Variants in NXPE4 observed in about 807,000 individuals in gnomAD.
NXPE4 encodes neurexophilin and PC-esterase domain family member 4.
A neutral mutation model predicts 33.3 loss-of-function variants in NXPE4; 42 were observed. The observed-to-expected ratio is 1.26, with a 90% confidence interval of 0.98 to 1.63. The LOEUF is 1.63. Among genes scored for constraint, NXPE4 ranks in the 40% most tolerant of loss-of-function variants. NXPE4 has a pLI of 0.00. For missense variants in NXPE4, 709 were observed against 647.6 expected, an observed-to-expected ratio of 1.09 and a Z score of -1.03; for synonymous variants, 253 against 234.9, an observed-to-expected ratio of 1.08 and a Z score of -0.71.
At chr11:114,643,800 A>C in the NXPE4 span, among the ~76,000 whole-genome samples, 1 of 152,114 alleles carries the variant, frequency 6.6e-6, no homozygotes, top group Non-Finnish European at 1.5e-5. Context: ...TTCTGTGAAG[A>C]AAGTCTGTGG....
intron 2 of NXPE4, chr11:114,583,285 C>G (rs1280034270): frequency 7.7e-6 from 5 of 646,002 alleles, no homozygotes; most frequent in Non-Finnish European, 1.4e-5. Context: ...GGAGGAAAGT[C>G]TGTTACTACT....
chr11:114,579,691 A>G (rs530572091), intron 5 of NXPE4, among the ~76,000 whole-genome samples: 5 of 152,234 alleles, frequency 3.3e-5, no homozygotes, highest in Non-Finnish European at 7.3e-5. Flanking sequence ...TTGACAGATG[A>G]GAAAACTGAG....
At chr11:114,628,998 A>G in the NXPE4 span, among the ~76,000 whole-genome samples, 1 of 152,094 alleles carries the variant, frequency 6.6e-6, no homozygotes, top group Non-Finnish European at 1.5e-5. Context: ...TGAATAGACC[A>G]ATAACAGGCT....
chr11:114,580,253 A>G lies in NXPE4; in HGVS notation c.978T>C (p.Asn326=), dbSNP rs1298099308. 2 of 1,613,898 alleles carry G rather than the reference A, an allele frequency of 1.2e-6. No homozygotes were observed. Among genetic ancestry groups the G allele is most frequent in the Non-Finnish European group, 1.7e-6 (2 of 1,179,926 alleles). ...CTGTAGCCAAACTACAGGAGACAGG[A>G]TTCCATGTGTTTCTCCAGACATGCC... is the stretch of plus-strand genomic sequence containing the variant. ...PSGHVWRNTW[N]PVSCSLATVK... Residue 326 remains asparagine (N), a synonymous_variant, in exon 5 of 6, where the codon AAT becomes AAC. Transcript: ENST00000375478.
chr11:114,637,995 A>G, the NXPE4 span, among the ~76,000 whole-genome samples: 1 of 151,410 alleles, frequency 6.6e-6, no homozygotes, highest in Non-Finnish European at 1.5e-5. Flanking sequence ...TATTTCCTGA[A>G]TCTGAACGTT....
intron 2 of NXPE4, among the ~76,000 whole-genome samples, chr11:114,589,740 T>C (rs1019462090): frequency 1.5e-4 from 23 of 152,060 alleles, no homozygotes; most frequent in Non-Finnish European, 3.1e-4. Context: ...GGAGACAATA[T>C]CCCCTAAAGC....
At chr11:114,591,740 C>A (rs777885591) in intron 2 of NXPE4, among the ~76,000 whole-genome samples, 3 of 152,092 alleles carry the variant, frequency 2.0e-5, no homozygotes, top group Non-Finnish European at 4.4e-5. Flanking sequence ...ATTCCATGCC[C>A]CCTCATGGAA....
At chr11:114,580,679 C>G (rs1269938831) in intron 4 of NXPE4, among the ~76,000 whole-genome samples, 2 of 152,142 alleles carry the variant, frequency 1.3e-5, no homozygotes, top group African/African-American at 4.8e-5. Context: ...CTCAATTATC[C>G]TATCATTTTA....
chr11:114,641,089 T>G, the NXPE4 span, among the ~76,000 whole-genome samples: 1 of 151,976 alleles, frequency 6.6e-6, no homozygotes, highest in African/African-American at 2.4e-5. Flanking sequence ...GTCTGAAAAG[T>G]ATAATAACTG....
chr11:114,627,027 C>A, the NXPE4 span, among the ~76,000 whole-genome samples: 1 of 151,682 alleles, frequency 6.6e-6, no homozygotes, highest in African/African-American at 2.4e-5. Flanking sequence ...TGTGACAAGA[C>A]CAAATCTACA....
chr11:114,631,778 A>G, the NXPE4 span, among the ~76,000 whole-genome samples: 1 of 151,594 alleles, frequency 6.6e-6, no homozygotes, highest in Non-Finnish European at 1.5e-5. Context: ...GTATTGCCTC[A>G]TGAGTAATCA....
chr11:114,609,187 T>C, the NXPE4 span, among the ~76,000 whole-genome samples: 1 of 151,806 alleles, frequency 6.6e-6, no homozygotes, highest in Non-Finnish European at 1.5e-5. Context: ...TATTGCCTCA[T>C]GGGTAGCCAC....
chr11:114,611,362 G>T, the NXPE4 span, among the ~76,000 whole-genome samples: 1 of 151,720 alleles, frequency 6.6e-6, no homozygotes, highest in Non-Finnish European at 1.5e-5. Context: ...CTGTTACCCG[G>T]TGGATAATAA....
the NXPE4 span, among the ~76,000 whole-genome samples, chr11:114,639,929 A>T: frequency 1.7e-5 from 2 of 115,102 alleles, no homozygotes; most frequent in Non-Finnish European, 3.2e-5. Context: ...TATATTATAT[A>T]TTATATTAAA....
At chr11:114,642,444 C>T in the NXPE4 span, among the ~76,000 whole-genome samples, 2 of 152,006 alleles carry the variant, frequency 1.3e-5, no homozygotes, top group African/African-American at 4.8e-5. Flanking sequence ...CCCCGACAGG[C>T]CCAGGTGTGT....
the NXPE4 span, among the ~76,000 whole-genome samples, chr11:114,661,514 G>A: frequency 6.6e-6 from 1 of 152,182 alleles, no homozygotes; most frequent in Non-Finnish European, 1.5e-5. Context: ...GCAACTGATG[G>A]ACTTCAAAAG....
At chr11:114,593,422 G>T (rs1367501369) in intron 2 of NXPE4, among the ~76,000 whole-genome samples, 3 of 152,004 alleles carry the variant, frequency 2.0e-5, no homozygotes, top group Non-Finnish European at 2.9e-5. Context: ...TATATGAAAA[G>T]GTGCTCAACA....
chr11:114,608,742 T>C, the NXPE4 span, among the ~76,000 whole-genome samples: 8 of 151,814 alleles, frequency 5.3e-5, no homozygotes, highest in Admixed American at 3.9e-4. Context: ...TAACCACTGT[T>C]ACCCAATGGA....
At chr11:114,597,437 A>G (rs1949587063), upstream of NXPE4, among the ~76,000 whole-genome samples, 1 of 152,236 alleles carries the variant, frequency 6.6e-6, no homozygotes, top group Non-Finnish European at 1.5e-5. Context: ...TGTAATGGGT[A>G]TATTAAAATT....
Sources: gnomAD v4.1 joint callset for allele counts (sites outside exome capture counted in the v4.1 genomes callset) on GRCh38, gnomAD v4.1.1 for gene constraint, MANE v1.5 for transcripts, NCBI Gene and HGNC (gene_info 2026-07-23, HGNC 2026-07-21) for gene names.